HRH1: variants seen among roughly 807,000 people sequenced by gnomAD.
The protein encoded by HRH1 is histamine H1 receptor.
A neutral mutation model predicts 10.3 loss-of-function variants in HRH1; 6 were observed. The observed-to-expected ratio is 0.58, with a 90% CI of 0.32 to 1.15. The LOEUF is 1.15. Among genes scored for constraint, HRH1 ranks in the 50% most tolerant of loss-of-function variants. The pLI is 0.05. For missense variants in HRH1, 514 were observed against 615.3 expected, an observed-to-expected ratio of 0.84 and a Z score of 1.74; for synonymous variants, 242 against 236.7, an observed-to-expected ratio of 1.02 and a Z score of -0.21.
intron 1 of HRH1, among the ~76,000 whole-genome samples, chr3:11,157,607 G>T (rs558796625): frequency 1.3e-5 from 2 of 152,356 alleles, no homozygotes; most frequent in South Asian, 4.1e-4. Flanking sequence ...TGCTGATGCT[G>T]TCGGAGGGGG....
Position 11,261,134 on chromosome 3 carries a change from C to T in HRH1, c.*633C>T, listed in dbSNP as rs1293327741. On this transcript the variant is annotated 3_prime_UTR_variant, in exon 2 of 2. Coordinates refer to ENST00000431010, the MANE Select transcript of HRH1 (RefSeq NM_001098212.2). ...GTCTGAACCACCCTGGAAATTCTGCCTTATTATTTCTTACTCAAACATGTT... is the reference window on the plus strand; with the variant it reads ...GTCTGAACCACCCTGGAAATTCTGCTTTATTATTTCTTACTCAAACATGTT... 6.0e-6 allele frequency: 1 copy of T among 167,080 alleles called. No homozygotes were observed. Among genetic ancestry groups the T allele is most frequent in the African/African-American group, 2.4e-5 (1 of 41,458 alleles). 10.3% of individuals were successfully genotyped at this position (167,080 alleles called of 1,614,324 possible).
chr3:11,241,337 T>C (rs1011771677), intron 1 of HRH1, among the ~76,000 whole-genome samples: 1 of 152,240 alleles, frequency 6.6e-6, no homozygotes, highest in African/African-American at 2.4e-5. Context: ...TTGCTGGTGC[T>C]CTGTAATGAT....
chr3:11,212,699 G>A (rs1371476066), intron 1 of HRH1, among the ~76,000 whole-genome samples: 1 of 152,066 alleles, frequency 6.6e-6, no homozygotes, highest in African/African-American at 2.4e-5. Flanking sequence ...AGTACCTTTC[G>A]GCATTCATTC....
chr3:11,259,442 C>T lies in HRH1; in HGVS notation c.405C>T (p.Tyr135=), dbSNP rs1261725084. Reference sequence around the variant, plus strand: ...GCTCTGTCCAGCAGCCCCTCAGGTACCTTAAGTATCGTACCAAGACCCGAG... The same window carrying T: ...GCTCTGTCCAGCAGCCCCTCAGGTATCTTAAGTATCGTACCAAGACCCGAG... ...RYRSVQQPLR[Y]LKYRTKTRAS... Residue 135 remains tyrosine (Y), a synonymous_variant, in exon 2 of 2, where the codon TAC becomes TAT. Coordinates refer to ENST00000431010, the MANE Select transcript of HRH1 (RefSeq NM_001098212.2). This position sits in a 1 kb window ranked among gnomAD's most constrained non-coding sequence, Gnocchi z 4.6. 1.2e-6 allele frequency: 2 copies of T among 1,613,790 alleles called. No homozygotes were observed. The highest frequency in any genetic ancestry group is 1.7e-6 in the Non-Finnish European group (2 of 1,179,948).
At chr3:11,249,404 A>C (rs1471910670) in intron 1 of HRH1, among the ~76,000 whole-genome samples, 1 of 22,040 alleles carries the variant, frequency 4.5e-5, no homozygotes, top group Non-Finnish European at 1.0e-4. Flanking sequence ...CTCTGTCTCA[A>C]AAAAAAAAAA....
intron 1 of HRH1, among the ~76,000 whole-genome samples, chr3:11,206,543 C>T (rs1201574374): frequency 6.6e-6 from 1 of 152,252 alleles, no homozygotes; most frequent in Non-Finnish European, 1.5e-5. Context: ...ACTTAACTGA[C>T]GTCATTGTTA....
At chr3:11,206,358 T>C (rs1938126555) in intron 1 of HRH1, among the ~76,000 whole-genome samples, 1 of 152,184 alleles carries the variant, frequency 6.6e-6, no homozygotes, top group African/African-American at 2.4e-5. Context: ...CCTCAGGTGA[T>C]CTGCCTGCTT....
intron 1 of HRH1, among the ~76,000 whole-genome samples, chr3:11,239,535 C>T (rs1939278371): frequency 6.6e-6 from 1 of 152,134 alleles, no homozygotes; most frequent in Non-Finnish European, 1.5e-5. Flanking sequence ...TCCAATTTAG[C>T]AGTTTTTAAA....
chr3:11,234,495 G>T (rs1287727852), intron 1 of HRH1: 1 of 1,483,046 alleles, frequency 6.7e-7, no homozygotes, highest in Non-Finnish European at 9.4e-7. Context: ...TCCCCACAGG[G>T]GCCGCTGGCC....
At chr3:11,140,462 C>G (rs1421438758) in intron 1 of HRH1, among the ~76,000 whole-genome samples, 1 of 152,132 alleles carries the variant, frequency 6.6e-6, no homozygotes, top group Non-Finnish European at 1.5e-5. Flanking sequence ...CTTTCTCATT[C>G]TTTCCACTCC....
intron 1 of HRH1, among the ~76,000 whole-genome samples, chr3:11,172,867 A>G (rs1937180557): frequency 6.6e-6 from 1 of 151,754 alleles, no homozygotes; most frequent in African/African-American, 2.4e-5. Context: ...ACGCCCAGCT[A>G]ATTTTTTTGT....
chr3:11,194,832 A>G (rs1206655695), intron 1 of HRH1, among the ~76,000 whole-genome samples: 1 of 152,170 alleles, frequency 6.6e-6, no homozygotes. Context: ...AAATAAATGA[A>G]TAAAGTCAGC....
At chr3:11,145,224 G>A (rs1936411090) in intron 1 of HRH1, among the ~76,000 whole-genome samples, 1 of 152,180 alleles carries the variant, frequency 6.6e-6, no homozygotes, top group Admixed American at 6.5e-5. Context: ...CTTGTGAGCT[G>A]TCAGATCTGA....
intron 1 of HRH1, among the ~76,000 whole-genome samples, chr3:11,202,280 T>G (rs1451225553): frequency 6.6e-6 from 1 of 151,632 alleles, no homozygotes; most frequent in Non-Finnish European, 1.5e-5. Flanking sequence ...GGTGAGCGCC[T>G]TGTAATCCCA....
chr3:11,192,208 C>T (rs1181025535), intron 1 of HRH1, among the ~76,000 whole-genome samples: 9 of 152,328 alleles, frequency 5.9e-5, no homozygotes, highest in Non-Finnish European at 5.9e-5. Context: ...ACCAACTGAA[C>T]ACACCTGCGT....
chr3:11,163,050 G>A (rs1156362623), intron 1 of HRH1, among the ~76,000 whole-genome samples: 6 of 152,138 alleles, frequency 3.9e-5, no homozygotes, highest in Non-Finnish European at 7.4e-5. Context: ...CCTGGAAGAG[G>A]TCTAGTTGGG....
intron 1 of HRH1, among the ~76,000 whole-genome samples, chr3:11,197,946 T>C (rs559767360): frequency 9.2e-5 from 14 of 152,270 alleles, no homozygotes; most frequent in African/African-American, 3.4e-4. Context: ...TCCAATCTCA[T>C]TCCCTGCCTG....
intron 1 of HRH1, among the ~76,000 whole-genome samples, chr3:11,196,953 C>CAAAAAA (rs35134148): frequency 2.7e-5 from 3 of 110,468 alleles, no homozygotes; most frequent in African/African-American, 3.7e-5. Flanking sequence ...ACTAAAAATA[C>CAAAAAA]AAAAAAAAAA....
At chr3:11,157,203 C>T (rs774334583) in intron 1 of HRH1, among the ~76,000 whole-genome samples, 14 of 152,124 alleles carry the variant, frequency 9.2e-5, no homozygotes, top group South Asian at 2.1e-4. Flanking sequence ...CCCTGGGCAT[C>T]GGCTTCCTTA....
Sources: allele counts gnomAD v4.1 joint callset (sites outside exome capture counted in the v4.1 genomes callset), GRCh38; gene constraint gnomAD v4.1.1; non-coding constraint Gnocchi (gnomAD v3.1); transcripts MANE v1.5; gene names NCBI Gene and HGNC (gene_info 2026-07-23, HGNC 2026-07-21).